PDE1A: variants seen among roughly 807,000 people sequenced by gnomAD.
PDE1A encodes the protein phosphodiesterase 1A, also known as dual specificity calcium/calmodulin-dependent 3',5'-cyclic nucleotide phosphodiesterase 1A.
In PDE1A, 35 loss-of-function variants were observed where a neutral mutation model predicts 61.7. The observed-to-expected ratio is 0.57, with a 90% CI of 0.43 to 0.75. The LOEUF (loss-of-function observed/expected upper bound fraction) is 0.75, where lower values mean the gene tolerates loss of function less well. Ranked by LOEUF, PDE1A falls within the 30% of genes least tolerant of loss-of-function variation. PDE1A has a pLI of 0.00. For synonymous variants in PDE1A, 232 were observed against 213.2 expected (o/e 1.09, Z -0.77); for missense variants, 597 against 630.6 (o/e 0.95, Z 0.57).
intron 7 of PDE1A, among the ~76,000 whole-genome samples, chr2:182,211,416 G>A (rs1687588928): frequency 6.6e-6 from 1 of 152,086 alleles, no homozygotes; most frequent in African/African-American, 2.4e-5. Flanking sequence ...CTTGATTACT[G>A]TGGTTTTGTA....
intron 7 of PDE1A, among the ~76,000 whole-genome samples, chr2:182,217,957 G>A (rs1486472846): frequency 2.0e-5 from 3 of 151,664 alleles, no homozygotes; most frequent in Non-Finnish European, 4.4e-5. Context: ...CTGCTATAAA[G>A]ACACATGCAA....
At chr2:182,510,586 T>A (rs1689718999) in intron 2 of PDE1A, among the ~76,000 whole-genome samples, 1 of 152,162 alleles carries the variant, frequency 6.6e-6, no homozygotes, top group African/African-American at 2.4e-5. Flanking sequence ...AGCAATTACC[T>A]AGAAGTCAAG....
At chr2:182,200,148 C>T (rs148418000) in intron 10 of PDE1A, among the ~76,000 whole-genome samples, 1,705 of 152,236 alleles carry the variant, frequency 0.011, 24 homozygotes, top group Middle Eastern at 0.041. Flanking sequence ...CTAAGTGGGA[C>T]TGTGATATAA....
At chr2:182,605,772 A>G in the PDE1A span, among the ~76,000 whole-genome samples, 1 of 152,208 alleles carries the variant, frequency 6.6e-6, no homozygotes, top group African/African-American at 2.4e-5. Flanking sequence ...CCACAAATCC[A>G]GAGCTGCTCA....
intron 1 of PDE1A, among the ~76,000 whole-genome samples, chr2:182,420,425 T>C (rs762922693): frequency 1.3e-5 from 2 of 152,190 alleles, no homozygotes; most frequent in Non-Finnish European, 2.9e-5. Flanking sequence ...CACTTTTATA[T>C]GACAAAGATA....
rs916191474 is a variant in PDE1A at position 182,233,028 on chromosome 2, T to A, written c.417+1404A>T. Among the ~76,000 whole-genome samples, 142 of 152,302 alleles carry A rather than the reference T, an allele frequency of 9.3e-4. 2 individuals carry two copies. The highest frequency in any genetic ancestry group is 3.3e-3 in the African/African-American group (139 of 41,558). On this transcript the variant is annotated intron_variant, in intron 4 of 13. Coordinates refer to ENST00000351439, the Ensembl canonical transcript of PDE1A. ...TGGTGATATTCCCTCTCTCAACCTGTTAGTTTATATCTTTTTTACTATACA... is the reference window on the plus strand; with the variant it reads ...TGGTGATATTCCCTCTCTCAACCTGATAGTTTATATCTTTTTTACTATACA...
the PDE1A span, among the ~76,000 whole-genome samples, chr2:182,573,262 A>C: frequency 4.6e-5 from 7 of 152,272 alleles, no homozygotes; most frequent in Middle Eastern, 6.8e-3. Context: ...TTGGGTGTAA[A>C]ATATAAAGAC....
chr2:182,346,217 AAAAT>A (rs954297029), intron 1 of PDE1A, among the ~76,000 whole-genome samples: 4 of 152,166 alleles, frequency 2.6e-5, no homozygotes, highest in Admixed American at 6.6e-5. Context: ...AACAAGAGGC[AAAAT>A]AAATAAATAA....
intron 1 of PDE1A, among the ~76,000 whole-genome samples, chr2:182,409,782 C>A (rs1295698258): frequency 6.6e-6 from 1 of 152,118 alleles, no homozygotes; most frequent in African/African-American, 2.4e-5. Context: ...AGGAACATTA[C>A]AATTATATGT....
At chr2:182,587,391 ATCCACTCTTT>A in the PDE1A span, among the ~76,000 whole-genome samples, 1 of 152,210 alleles carries the variant, frequency 6.6e-6, no homozygotes, top group Non-Finnish European at 1.5e-5. Flanking sequence ...TTCAAGCTTT[ATCCACTCTTT>A]TAACAGGTCC....
chr2:182,527,318 AAAAAAAAAAATATATATAT>A (rs1559543352), upstream of PDE1A, among the ~76,000 whole-genome samples: 11 of 48,610 alleles, frequency 2.3e-4, no homozygotes, highest in African/African-American at 3.5e-4. Context: ...AAAAAAAAAA[AAAAAAAAAAATATATATAT>A]ATATATATAT....
chr2:182,710,227 A>T, the PDE1A span, among the ~76,000 whole-genome samples: 134 of 152,316 alleles, frequency 8.8e-4, no homozygotes, highest in African/African-American at 3.1e-3. Flanking sequence ...AAATTTTAAA[A>T]TATTTAATTG....
the PDE1A span, among the ~76,000 whole-genome samples, chr2:182,531,642 G>A: frequency 4.6e-5 from 7 of 152,216 alleles, no homozygotes; most frequent in East Asian, 1.9e-4. Context: ...TATTGTTCAC[G>A]TATTTTCTTC....
At chr2:182,470,469 T>G (rs1215322255) in intron 2 of PDE1A, among the ~76,000 whole-genome samples, 1 of 151,846 alleles carries the variant, frequency 6.6e-6, no homozygotes, top group Non-Finnish European at 1.5e-5. Context: ...AAATAGCTAT[T>G]TAACAGTAAA....
intron 1 of PDE1A, among the ~76,000 whole-genome samples, chr2:182,364,388 T>A (rs1466846080): frequency 7.2e-6 from 1 of 139,318 alleles, no homozygotes; most frequent in Non-Finnish European, 1.5e-5. Flanking sequence ...TGCCTCTCAG[T>A]AATCTTAAAC....
At chr2:182,426,592 T>C in exon 1 of PDE1A, 2 of 1,611,330 alleles carry the variant, frequency 1.2e-6, no homozygotes, top group Non-Finnish European at 1.7e-6. Flanking sequence ...AGATGGGTCT[T>C]TGGAGATGTT....
the PDE1A span, among the ~76,000 whole-genome samples, chr2:182,554,851 A>C: frequency 6.6e-6 from 1 of 152,200 alleles, no homozygotes; most frequent in South Asian, 2.1e-4. Context: ...ATAATTTAGC[A>C]AAACGAAGTC....
chr2:182,230,119 C>T (rs2125639119), exon 6 of PDE1A: 1 of 1,612,480 alleles, frequency 6.2e-7, no homozygotes, highest in Non-Finnish European at 8.5e-7. Context: ...AAAGCTTCTG[C>T]AAAGGTGATT....
rs1684997188 is a variant in PDE1A at position 182,444,381 on chromosome 2, T to C, written c.101+77895A>G. Among the ~76,000 whole-genome samples the C allele has an allele frequency of 2.6e-5, 4 of 152,090 alleles. 1 individual carries two copies. The highest frequency in any genetic ancestry group is 1.3e-4 in the Admixed American group (2 of 15,256). On this transcript the variant is annotated intron_variant, in intron 2 of 14. Transcript: ENST00000410103. ...TTTACTTCCAGTTTCAAATCATCAGTAGCATGATTACAATAGCACTTATAC... is the reference window on the plus strand; with the variant it reads ...TTTACTTCCAGTTTCAAATCATCAGCAGCATGATTACAATAGCACTTATAC...
Sources: allele counts gnomAD v4.1 joint callset (sites outside exome capture counted in the v4.1 genomes callset), GRCh38; gene constraint gnomAD v4.1.1; transcripts MANE v1.5; gene names NCBI Gene and HGNC (gene_info 2026-07-23, HGNC 2026-07-21).